The following ACACA variants were observed in gnomAD, a reference collection of about 807,000 sequenced individuals.
ACACA encodes the protein acetyl-CoA carboxylase 1.
ACACA carries 103 observed loss-of-function variants against 296.1 expected under a neutral mutation model. The ratio of observed to expected loss-of-function variants is 0.35; its 90% CI spans 0.30 to 0.41. ACACA has a LOEUF of 0.41. ACACA is among the 10% of genes least tolerant of loss of function. The pLI is 1.00. For synonymous variants in ACACA, 953 were observed against 1,038.6 expected, an observed-to-expected ratio of 0.92 and a Z score of 1.58; for missense variants, 1,554 against 2,989.7, an observed-to-expected ratio of 0.52 and a Z score of 11.20.
At chr17:37,324,405 C>T (rs895918429) in intron 3 of ACACA, among the ~76,000 whole-genome samples, 9 of 150,200 alleles carry the variant, frequency 6.0e-5, no homozygotes, top group African/African-American at 2.2e-4. Flanking sequence ...GTGGCTCACG[C>T]CCACCCATAC....
intron 42 of ACACA, among the ~76,000 whole-genome samples, chr17:37,157,408 T>A (rs1159961638): frequency 6.6e-6 from 1 of 152,158 alleles, no homozygotes; most frequent in Non-Finnish European, 1.5e-5. Flanking sequence ...CCAATCTATG[T>A]AAGGCCTTGT....
chr17:37,144,244 G>A lies in ACACA; in HGVS notation c.5679+5620C>T, dbSNP rs141467954. 655 of 694,262 alleles carry A rather than the reference G, an allele frequency of 9.4e-4. 11 individuals are homozygous for A. The highest frequency in any genetic ancestry group is 4.2e-3 in the Middle Eastern group (11 of 2,620). The allele number at this position is 694,262 out of a possible 1,614,324, so 43.0% of individuals were successfully genotyped here. On this transcript the variant is annotated intron_variant, in intron 45 of 55. Coordinates refer to ENST00000616317, the MANE Select transcript of ACACA (RefSeq NM_198834.3). ...CCCAACAAGTTTGCACAAAAAATGC[G>A]TATGACAACATCTTGCCTCTAGGCT...
intron 45 of ACACA, among the ~76,000 whole-genome samples, 184 bp from the exon 46 acceptor site, chr17:37,130,402 T>C (rs1597909674): frequency 6.6e-6 from 1 of 151,962 alleles, no homozygotes; most frequent in East Asian, 1.9e-4. Context: ...AAACAAAAAA[T>C]ATGAGATTGA....
chr17:37,373,213 G>A (rs114991687), intron 1 of ACACA, among the ~76,000 whole-genome samples: 1,848 of 151,818 alleles, frequency 0.012, 47 homozygotes, highest in African/African-American at 0.041. Flanking sequence ...CTCTTCCACC[G>A]CTCTGCCCCC....
At chr17:37,201,513 CTTCCTCTTCCCTA>C (rs140509903) in intron 33 of ACACA, among the ~76,000 whole-genome samples, 3,530 of 151,508 alleles carry the variant, frequency 0.023, 54 homozygotes, top group Non-Finnish European at 0.034. Flanking sequence ...GACCTAAAGC[CTTCCTCTTCCCTA>C]TACTGTTCAC....
At chr17:37,365,026 T>C (rs934689743) in intron 1 of ACACA, among the ~76,000 whole-genome samples, 4 of 152,090 alleles carry the variant, frequency 2.6e-5, no homozygotes, top group African/African-American at 9.7e-5. Context: ...AGGCTGTAGT[T>C]CAGTAGCGTG....
intron 54 of ACACA, among the ~76,000 whole-genome samples, chr17:37,091,128 C>T (rs1379975292): frequency 6.6e-6 from 1 of 152,182 alleles, no homozygotes; most frequent in East Asian, 1.9e-4. Context: ...AATGTATTAG[C>T]TAACGAGATG....
At chr17:37,180,001 T>C (rs2077259599) in intron 40 of ACACA, among the ~76,000 whole-genome samples, 1 of 152,216 alleles carries the variant, frequency 6.6e-6, no homozygotes, top group African/African-American at 2.4e-5. Flanking sequence ...TTAAAAAATA[T>C]TATGATTTCC....
At chr17:37,200,938 T>C (rs981418109) in intron 33 of ACACA, among the ~76,000 whole-genome samples, 4 of 152,226 alleles carry the variant, frequency 2.6e-5, no homozygotes, top group Non-Finnish European at 4.4e-5. Flanking sequence ...AGATTGTAGA[T>C]GTTACCTACC....
intron 41 of ACACA, among the ~76,000 whole-genome samples, chr17:37,177,882 T>A (rs901682412): frequency 3.3e-5 from 5 of 152,226 alleles, no homozygotes; most frequent in African/African-American, 1.2e-4. Flanking sequence ...AATGCTTGCA[T>A]CCATCTTGAT....
intron 3 of ACACA, among the ~76,000 whole-genome samples, chr17:37,296,656 T>A (rs1309955331): frequency 1.3e-5 from 2 of 151,910 alleles, no homozygotes; most frequent in Non-Finnish European, 2.9e-5. Context: ...CTCTGCCCCA[T>A]GATCTACTCA....
intron 1 of ACACA, among the ~76,000 whole-genome samples, chr17:37,401,819 C>T (rs1252845627): frequency 6.6e-6 from 1 of 152,120 alleles, no homozygotes. Context: ...CTAGGACTGT[C>T]AAAGTGTTGG....
chr17:37,388,644 C>T, intron 1 of ACACA: 1 of 1,606,454 alleles, frequency 6.2e-7, no homozygotes, highest in South Asian at 1.1e-5. Context: ...TCTTTTCTCC[C>T]TCTTCCACTC....
intron 45 of ACACA, among the ~76,000 whole-genome samples, chr17:37,133,772 A>G (rs2075211915): frequency 6.6e-6 from 1 of 152,214 alleles, no homozygotes; most frequent in African/African-American, 2.4e-5. Flanking sequence ...TCCAGCAAGC[A>G]TCAATAATCA....
At chr17:37,274,556 A>G (rs2082197189) in intron 8 of ACACA, 1 of 923,226 alleles carries the variant, frequency 1.1e-6, no homozygotes, top group African/African-American at 1.8e-5. Flanking sequence ...GCAAAGACGT[A>G]CAAGATCAAA....
intron 14 of ACACA, among the ~76,000 whole-genome samples, chr17:37,256,107 T>A (rs1358042208): frequency 6.6e-6 from 1 of 152,116 alleles, no homozygotes; most frequent in Non-Finnish European, 1.5e-5. Context: ...TAGTCCTACT[T>A]TTAAGAGCTA....
At position 37,300,722 on chromosome 17, in the gene ACACA, A is replaced by C. The variant is rs148013778; in HGVS notation, c.339-15752T>G. 1.4e-3 allele frequency among the ~76,000 whole-genome samples: 213 copies of C among 152,354 alleles called. 1 individual carries two copies. Among genetic ancestry groups the C allele is most frequent in the African/African-American group, 4.9e-3 (204 of 41,586 alleles). ...AGTTGTAAAGACTCAAGTTGCCCAA[A>C]TTTGAAAGCAACTCAATCAGGCCAC... On this transcript the variant is annotated intron_variant, in intron 3 of 55. Coordinates refer to ENST00000616317, the MANE Select transcript of ACACA (RefSeq NM_198834.3).
At chr17:37,137,212 T>A (rs1189425250) in intron 45 of ACACA, among the ~76,000 whole-genome samples, 3 of 152,120 alleles carry the variant, frequency 2.0e-5, no homozygotes, top group East Asian at 1.9e-4. Flanking sequence ...GGAAAACTTT[T>A]AAAAAAATCC....
chr17:37,100,444 C>G (rs2073291301), intron 52 of ACACA, among the ~76,000 whole-genome samples: 1 of 151,986 alleles, frequency 6.6e-6, no homozygotes, highest in African/African-American at 2.4e-5. Context: ...GCCCAAAAAG[C>G]AGAATCGAAA....
Sources: allele counts gnomAD v4.1 joint callset (sites outside exome capture counted in the v4.1 genomes callset), GRCh38; gene constraint gnomAD v4.1.1; transcripts MANE v1.5; gene names NCBI Gene and HGNC (gene_info 2026-07-23, HGNC 2026-07-21).